ADAMTS3: variants seen among roughly 807,000 people sequenced by gnomAD.
ADAMTS3 encodes the protein A disintegrin and metalloproteinase with thrombospondin motifs 3.
ADAMTS3 carries 73 observed loss-of-function variants against 129.0 expected under a neutral mutation model. The ratio of observed to expected loss-of-function variants is 0.57; its 90% CI spans 0.47 to 0.69. The LOEUF is 0.69. Ranked by LOEUF, ADAMTS3 falls within the 30% of genes least tolerant of loss-of-function variation. The pLI is 0.00. For missense variants in ADAMTS3, 1,457 were observed against 1,514.5 expected, an observed-to-expected ratio of 0.96 and a Z score of 0.63; for synonymous variants, 477 against 510.8, an observed-to-expected ratio of 0.93 and a Z score of 0.89.
chr4:72,324,653 G>A (rs757165263), intron 5 of ADAMTS3, among the ~76,000 whole-genome samples: 1 of 152,110 alleles, frequency 6.6e-6, no homozygotes, highest in Non-Finnish European at 1.5e-5. Context: ...AAGCCAAGCT[G>A]TGAAAAAAAA....
At chr4:72,454,653 A>G (rs906442322) in intron 3 of ADAMTS3, among the ~76,000 whole-genome samples, 2 of 151,688 alleles carry the variant, frequency 1.3e-5, no homozygotes, top group Non-Finnish European at 2.9e-5. Flanking sequence ...TTAATTCAAA[A>G]ATTACCTTTG....
chr4:72,439,504 C>T (rs1350160767), intron 3 of ADAMTS3, among the ~76,000 whole-genome samples: 1 of 151,358 alleles, frequency 6.6e-6, no homozygotes, highest in Non-Finnish European at 1.5e-5. Context: ...TGAAGCATTT[C>T]TTAAATGTAA....
At chr4:72,506,687 G>C (rs1037442255) in intron 3 of ADAMTS3, among the ~76,000 whole-genome samples, 1 of 152,192 alleles carries the variant, frequency 6.6e-6, no homozygotes, top group African/African-American at 2.4e-5. Context: ...GGGAGAAACA[G>C]AGCGTTCTTC....
intron 21 of ADAMTS3, among the ~76,000 whole-genome samples, chr4:72,285,386 G>T (rs736862): frequency 0.94 from 142,117 of 151,932 alleles, 66,591 homozygotes; most frequent in Non-Finnish European, 0.96. Context: ...AATTTTTTTT[G>T]AAAACCTGTA....
chr4:72,523,089 C>T (rs771917778), intron 3 of ADAMTS3, among the ~76,000 whole-genome samples: 12 of 151,670 alleles, frequency 7.9e-5, no homozygotes, highest in Non-Finnish European at 1.6e-4. Flanking sequence ...AGATATTACC[C>T]AATAATTTCT....
chr4:72,458,794 T>C (rs1253827689), intron 3 of ADAMTS3, among the ~76,000 whole-genome samples: 1 of 151,468 alleles, frequency 6.6e-6, no homozygotes, highest in Non-Finnish European at 1.5e-5. Context: ...TCTCCACATA[T>C]CAGAAAGAGT....
At chr4:72,560,285 CACAG>C (rs1395558769) in intron 2 of ADAMTS3, among the ~76,000 whole-genome samples, 1 of 150,104 alleles carries the variant, frequency 6.7e-6, no homozygotes, top group East Asian at 1.9e-4. Flanking sequence ...AGGACATAGG[CACAG>C]ACAAAGATTT....
At chr4:72,508,656 T>C (rs1240291896) in intron 3 of ADAMTS3, among the ~76,000 whole-genome samples, 1 of 152,144 alleles carries the variant, frequency 6.6e-6, no homozygotes, top group Non-Finnish European at 1.5e-5. Flanking sequence ...TATTCATTAT[T>C]ACATTCTATA....
intron 5 of ADAMTS3, among the ~76,000 whole-genome samples, chr4:72,333,080 A>G (rs1719892480): frequency 6.6e-6 from 1 of 152,166 alleles, no homozygotes; most frequent in African/African-American, 2.4e-5. Context: ...CAATCTCTTC[A>G]TTTGTAAACT....
intron 4 of ADAMTS3, among the ~76,000 whole-genome samples, chr4:72,389,750 C>T (rs555976018): frequency 2.6e-5 from 4 of 152,158 alleles, no homozygotes; most frequent in Admixed American, 6.5e-5. Flanking sequence ...TAATGGGTAC[C>T]ATAACAGAGG....
At chr4:72,288,582 C>T (rs1194502017) in intron 21 of ADAMTS3, among the ~76,000 whole-genome samples, 169 bp downstream of exon 21, 3 of 152,186 alleles carry the variant, frequency 2.0e-5, no homozygotes, top group Admixed American at 2.0e-4. Flanking sequence ...AGGACATTAC[C>T]TCAAATGCTG....
intron 3 of ADAMTS3, among the ~76,000 whole-genome samples, chr4:72,477,149 T>A (rs1275474908): frequency 6.6e-6 from 1 of 151,584 alleles, no homozygotes; most frequent in Non-Finnish European, 1.5e-5. Context: ...TCTCAGCACT[T>A]TTACTCAATA....
At chr4:72,392,258 C>G (rs1721614251) in intron 4 of ADAMTS3, among the ~76,000 whole-genome samples, 1 of 152,158 alleles carries the variant, frequency 6.6e-6, no homozygotes, top group Admixed American at 6.5e-5. Context: ...AGCTGTGTCT[C>G]TTAGTCTACA....
chr4:72,535,162 G>C (rs1721154873), intron 3 of ADAMTS3, among the ~76,000 whole-genome samples: 2 of 152,130 alleles, frequency 1.3e-5, no homozygotes, highest in African/African-American at 4.8e-5. Context: ...AGGACTGTAA[G>C]AAGCCAGGAA....
At chr4:72,400,284 TGTGTGTATATAC>T (rs1352065490) in intron 4 of ADAMTS3, among the ~76,000 whole-genome samples, 1 of 142,816 alleles carries the variant, frequency 7.0e-6, no homozygotes, top group African/African-American at 2.6e-5. Flanking sequence ...ACACATGGTG[TGTGTGTATATAC>T]GTGTGTATAT....
chr4:72,544,343 T>C (rs1041698295), intron 3 of ADAMTS3, among the ~76,000 whole-genome samples: 3 of 152,178 alleles, frequency 2.0e-5, no homozygotes, highest in Middle Eastern at 3.2e-3. Flanking sequence ...ATTGTATTTA[T>C]GACCAATCTC....
intron 3 of ADAMTS3, among the ~76,000 whole-genome samples, chr4:72,436,136 A>G (rs1717909951): frequency 1.4e-5 from 2 of 139,956 alleles, no homozygotes; most frequent in Admixed American, 1.5e-4. Context: ...GAATCTACAA[A>G]GAACTTAAAC....
At chr4:72,468,688 A>C (rs1442940388) in intron 3 of ADAMTS3, among the ~76,000 whole-genome samples, 1 of 152,058 alleles carries the variant, frequency 6.6e-6, no homozygotes, top group East Asian at 1.9e-4. Flanking sequence ...TATTTCGAAC[A>C]ACATTGCATC....
chr4:72,323,858 A>G (rs1293795776), intron 5 of ADAMTS3, among the ~76,000 whole-genome samples: 2 of 152,210 alleles, frequency 1.3e-5, no homozygotes, highest in Non-Finnish European at 2.9e-5. Flanking sequence ...TCATAGTCCA[A>G]TTCTGTTTTA....
Sources: gnomAD v4.1 joint callset for allele counts (sites outside exome capture counted in the v4.1 genomes callset) on GRCh38, gnomAD v4.1.1 for gene constraint, MANE v1.5 for transcripts, NCBI Gene and HGNC (gene_info 2026-07-23, HGNC 2026-07-21) for gene names.